Variants in LRSAM1 observed in about 807,000 individuals in gnomAD.
The protein encoded by LRSAM1 is E3 ubiquitin-protein ligase LRSAM1.
In LRSAM1, 96 loss-of-function variants were observed where a neutral mutation model predicts 118.1. The ratio of observed to expected loss-of-function variants is 0.81; its 90% CI spans 0.69 to 0.96. The LOEUF (loss-of-function observed/expected upper bound fraction) is 0.96, where lower values mean the gene tolerates loss of function less well. Ranked by LOEUF, LRSAM1 falls within the 40% of genes least tolerant of loss-of-function variation. The pLI, the probability that LRSAM1 is intolerant of heterozygous loss-of-function variation, is 0.00. For missense variants in LRSAM1, 804 were observed against 915.5 expected, an observed-to-expected ratio of 0.88 and a Z score of 1.57; for synonymous variants, 322 against 364.2, an observed-to-expected ratio of 0.88 and a Z score of 1.32.
At chr9:127,462,122 A>G (rs899687682) in intron 8 of LRSAM1, 130 bp from the exon 9 acceptor site, 50 of 1,301,332 alleles carry the variant, frequency 3.8e-5, no homozygotes, top group Non-Finnish European at 5.0e-5. Context: ...CACCTTCTTG[A>G]GCCTAGGAAA....
rs1834563058 is a variant in LRSAM1 at position 127,457,456 on chromosome 9, C to T, written c.252+63C>T. 3 of 1,527,344 alleles carry T rather than the reference C, an allele frequency of 2.0e-6. No homozygotes were observed. In the East Asian group the frequency reaches 6.9e-5, roughly 35 times the overall value. 94.6% of individuals were successfully genotyped at this position (1,527,344 alleles called of 1,614,324 possible). On this transcript the variant is annotated intron_variant, in intron 6 of 25. Coordinates refer to ENST00000300417, the MANE Select transcript of LRSAM1 (RefSeq NM_001005373.4). ...TGGGGTTCCACGCGGCAGCTGAGCG[C>T]CTGCTCCTTTTGGGCTGCCTCTTGC...
At chr9:127,490,517 C>G (rs923660283) in intron 19 of LRSAM1, among the ~76,000 whole-genome samples, 1 of 152,120 alleles carries the variant, frequency 6.6e-6, no homozygotes, top group Non-Finnish European at 1.5e-5. Flanking sequence ...CACATTCTCA[C>G]TGCAGATGGT....
At position 127,467,806 on chromosome 9, in the gene LRSAM1, G is replaced by A. The variant is rs745326217; in HGVS notation, c.595G>A (p.Ala199Thr). The A allele has an allele frequency of 7.5e-6, 12 of 1,604,776 alleles. No homozygotes were observed. Among genetic ancestry groups the A allele is most frequent in the Non-Finnish European group, 7.6e-6 (9 of 1,177,188 alleles). ...PREVCGAGTA[A>T]ILQFLCKESG... Reference sequence around the variant, plus strand: ...GGAGGTGTGTGGTGCCGGCACTGCGGCCATCTTGCAGTTCCTCTGCAAAGG... The same window carrying A: ...GGAGGTGTGTGGTGCCGGCACTGCGACCATCTTGCAGTTCCTCTGCAAAGG... The change falls in exon 10 of 26, where the codon GCC becomes ACC. Residue 199 changes from alanine (A) to threonine (T), a missense_variant. Coordinates refer to ENST00000300417, the MANE Select transcript of LRSAM1 (RefSeq NM_001005373.4).
chr9:127,455,051 A>G lies in LRSAM1; in HGVS notation c.126A>G (p.Ser42=), dbSNP rs1404495701. The G allele has an allele frequency of 2.5e-6, 4 of 1,614,088 alleles. No individual in the cohort carries two copies. Among genetic ancestry groups the G allele is most frequent in the Non-Finnish European group, 2.5e-6 (3 of 1,179,912 alleles). ...TCGACATCTCTAAATGTGAGCTCTC[A>G]GAGGTAAACTGAGGATAGTGTTGGG... ...DILDISKCEL[S]EIPFGAFATC... Residue 42 remains serine (S), a synonymous_variant, in exon 4 of 26, where the codon TCA becomes TCG. Coordinates refer to ENST00000300417, the MANE Select transcript of LRSAM1 (RefSeq NM_001005373.4).
intron 10 of LRSAM1, among the ~76,000 whole-genome samples, chr9:127,473,472 T>G (rs1835245690): frequency 6.6e-6 from 1 of 152,196 alleles, no homozygotes; most frequent in Non-Finnish European, 1.5e-5. Context: ...AGGTCTCACA[T>G]TCAGGGAATT....
intron 11 of LRSAM1, among the ~76,000 whole-genome samples, chr9:127,474,377 C>G (rs916537054): frequency 6.6e-6 from 1 of 152,026 alleles, no homozygotes; most frequent in South Asian, 2.1e-4. Context: ...AAGTGATCCT[C>G]CCACCTCAGA....
In LRSAM1 at chr9:127,501,011, G is replaced by C. The variant is rs387907032; in HGVS notation, c.1914G>C (p.Glu638Asp). The change falls in exon 25 of 26, where the codon GAG becomes GAC. Residue 638 changes from glutamate to aspartate, a missense_variant and splice_region_variant. Glu to Asp is a conservative substitution (Grantham distance 45). Coordinates refer to ENST00000300417, the MANE Select transcript of LRSAM1 (RefSeq NM_001005373.4). ...ELLDAARIQP[E>D]LKPPMGEVVT... The stretch of plus-strand genomic sequence containing the variant: ...AGTCTGTCTGTCTGGTCCCCACAGA[G>C]CTGAAACCACCAATGGGTGAGGTCG... 3 of 1,613,950 alleles carry C rather than the reference G, an allele frequency of 1.9e-6. No individual in the cohort carries two copies. In the East Asian group the frequency reaches 6.7e-5, roughly 36 times the overall value.
intron 19 of LRSAM1, among the ~76,000 whole-genome samples, chr9:127,490,696 T>G (rs1281565446): frequency 6.6e-6 from 1 of 152,154 alleles, no homozygotes. Flanking sequence ...AGAGAATTGA[T>G]GAAATATGAT....
intron 16 of LRSAM1, 28 bp downstream of exon 16, chr9:127,483,048 G>A (rs1835599219): frequency 8.1e-6 from 13 of 1,604,428 alleles, no homozygotes; most frequent in Non-Finnish European, 1.1e-5. Flanking sequence ...GAGCTTGTGA[G>A]CACGCTGCCT....
chr9:127,466,623 G>C (rs999186922), intron 9 of LRSAM1, among the ~76,000 whole-genome samples: 1 of 148,642 alleles, frequency 6.7e-6, no homozygotes, highest in African/African-American at 2.5e-5. Flanking sequence ...AAAGTGCTGG[G>C]ATTACACGCA....
At chr9:127,483,130 T>C (rs1564272596) in intron 16 of LRSAM1, 110 bp downstream of exon 16, 2 of 1,007,048 alleles carry the variant, frequency 2.0e-6, no homozygotes, top group East Asian at 2.5e-5. Context: ...GTGTTAGCCC[T>C]CGAGAGGGGC....
At chr9:127,473,993 T>C in intron 11 of LRSAM1, 62 bp downstream of exon 11, 3 of 1,610,738 alleles carry the variant, frequency 1.9e-6, no homozygotes, top group Non-Finnish European at 2.5e-6. Context: ...TGTATGTGTG[T>C]TGAGGGAGCT....
At chr9:127,451,728 G>A in intron 1 of LRSAM1, 59 bp downstream of exon 1, 1 of 229,756 alleles carries the variant, frequency 4.4e-6, no homozygotes, top group South Asian at 7.5e-5. Context: ...CCCCTGAGGG[G>A]TCCGTAGTCC....
Position 127,455,247 on chromosome 9 carries a change from C to CA in LRSAM1, c.129+195dup, listed in dbSNP as rs199681048. On this transcript the variant is annotated intron_variant, in intron 4 of 25. Transcript: ENST00000300417. ...TTTGGCCTCAATATAACGTAGTCTCCAAGAGTCAAGGAGTCTAGGTAGAAA... is the reference window on the plus strand; with the variant it reads ...TTTGGCCTCAATATAACGTAGTCTCCAAAGAGTCAAGGAGTCTAGGTAGAAA... Among the ~76,000 whole-genome samples the CA allele has an allele frequency of 0.014, 2,036 of 150,438 alleles. 44 individuals are homozygous for CA. The highest frequency in any genetic ancestry group is 0.047 in the African/African-American group (1,916 of 40,820).
chr9:127,487,177 C>A (rs1371090625), intron 17 of LRSAM1, among the ~76,000 whole-genome samples: 82 of 130,542 alleles, frequency 6.3e-4, no homozygotes, highest in African/African-American at 2.2e-3. Context: ...GAGCAAGACT[C>A]TGTCTCAAAA....
At chr9:127,461,865 A>G (rs1475548862) in intron 8 of LRSAM1, among the ~76,000 whole-genome samples, 1 of 152,186 alleles carries the variant, frequency 6.6e-6, no homozygotes, top group African/African-American at 2.4e-5. Flanking sequence ...CTGTTTATCA[A>G]CTGTAACATA....
In LRSAM1 at chr9:127,453,102, G is replaced by A. The variant is rs1834383763; in HGVS notation, c.-33+1018G>A. Among the ~76,000 whole-genome samples, 3 of 152,094 alleles carry A rather than the reference G, an allele frequency of 2.0e-5. No individual in the cohort carries two copies. The South Asian group carries it at 6.2e-4, about 32-fold the overall frequency. On this transcript the variant is annotated intron_variant, in intron 2 of 25. Coordinates refer to ENST00000300417, the MANE Select transcript of LRSAM1 (RefSeq NM_001005373.4). ...TTATTTATTTATTATTATTTTCTGA[G>A]ACAGAGACTCCCTCTGTCACCCAGG... is the stretch of plus-strand genomic sequence containing the variant.
At chr9:127,469,534 A>T (rs1005905184) in intron 10 of LRSAM1, among the ~76,000 whole-genome samples, 4 of 152,038 alleles carry the variant, frequency 2.6e-5, no homozygotes, top group African/African-American at 9.7e-5. Flanking sequence ...ATTGCACAAC[A>T]TCATCTTAGT....
intron 21 of LRSAM1, among the ~76,000 whole-genome samples, chr9:127,494,950 TG>T (rs1357701037): frequency 3.6e-4 from 55 of 152,168 alleles, no homozygotes; most frequent in Admixed American, 3.6e-3. Context: ...ATTTTGGTTT[TG>T]TTTTGTTTTG....
Sources: allele counts gnomAD v4.1 joint callset (sites outside exome capture counted in the v4.1 genomes callset), GRCh38; gene constraint gnomAD v4.1.1; transcripts MANE v1.5; gene names NCBI Gene and HGNC (gene_info 2026-07-23, HGNC 2026-07-21).